RPS6KC1: variants seen among roughly 807,000 people sequenced by gnomAD.
RPS6KC1 encodes the protein inactive ribosomal protein S6 kinase delta-1.
Under a neutral mutation model 103.8 loss-of-function variants are expected in RPS6KC1, and 54 were observed. The ratio of observed to expected loss-of-function variants is 0.52; its 90% CI spans 0.42 to 0.65. The LOEUF (loss-of-function observed/expected upper bound fraction) is 0.65. Among genes scored for constraint, RPS6KC1 ranks in the 30% least tolerant of loss-of-function variants. RPS6KC1 has a pLI of 0.00. For missense variants in RPS6KC1, 1,151 were observed against 1,253.8 expected (o/e 0.92, Z 1.24); for synonymous variants, 439 against 438.7 (o/e 1.00, Z -0.01).
the RPS6KC1 span, among the ~76,000 whole-genome samples, chr1:213,625,942 T>C: frequency 1.3e-5 from 2 of 152,160 alleles, no homozygotes; most frequent in African/African-American, 2.4e-5. Context: ...TGGGTATATA[T>C]CCAGTAATGG....
At chr1:213,829,975 C>T in the RPS6KC1 span, among the ~76,000 whole-genome samples, 1 of 152,184 alleles carries the variant, frequency 6.6e-6, no homozygotes, top group South Asian at 2.1e-4. Flanking sequence ...ACCCCATCTG[C>T]CGAGACTTTG....
chr1:213,174,970 TAAA>T (rs949573375), intron 7 of RPS6KC1, among the ~76,000 whole-genome samples: 1 of 152,178 alleles, frequency 6.6e-6, no homozygotes, highest in African/African-American at 2.4e-5. Flanking sequence ...TCTTTAGAAA[TAAA>T]AAGTCTCTTT....
the RPS6KC1 span, among the ~76,000 whole-genome samples, chr1:213,796,662 C>T: frequency 6.6e-6 from 1 of 152,158 alleles, no homozygotes; most frequent in African/African-American, 2.4e-5. Context: ...AAATAATGTG[C>T]CATGTCTCAT....
chr1:213,250,283 A>G (rs752173757), intron 12 of RPS6KC1, among the ~76,000 whole-genome samples: 5 of 152,176 alleles, frequency 3.3e-5, no homozygotes, highest in Non-Finnish European at 5.9e-5. Flanking sequence ...CTCTCTCTGG[A>G]AAGTGCCAGT....
the RPS6KC1 span, among the ~76,000 whole-genome samples, chr1:213,378,481 C>T: frequency 2.0e-5 from 3 of 152,104 alleles, no homozygotes; most frequent in African/African-American, 7.2e-5. Flanking sequence ...GTGTTTTTCT[C>T]GTCTTGATAT....
At chr1:213,207,991 G>A (rs1338511758) in intron 8 of RPS6KC1, among the ~76,000 whole-genome samples, 2 of 152,044 alleles carry the variant, frequency 1.3e-5, no homozygotes, top group Non-Finnish European at 2.9e-5. Flanking sequence ...CTTTTCTTCT[G>A]CTAATCTGTC....
the RPS6KC1 span, among the ~76,000 whole-genome samples, chr1:213,772,895 C>T: frequency 5.3e-5 from 8 of 152,294 alleles, no homozygotes; most frequent in East Asian, 3.9e-4. Flanking sequence ...CTGCCGTCAG[C>T]GGCCAGTTCT....
At chr1:213,660,872 A>G in the RPS6KC1 span, among the ~76,000 whole-genome samples, 2 of 152,218 alleles carry the variant, frequency 1.3e-5, no homozygotes, top group African/African-American at 4.8e-5. Context: ...CCCATTGATT[A>G]TGATTGTGTC....
the RPS6KC1 span, among the ~76,000 whole-genome samples, chr1:213,640,941 C>T: frequency 6.6e-6 from 1 of 151,916 alleles, no homozygotes; most frequent in Non-Finnish European, 1.5e-5. Flanking sequence ...GAAGTTGCAA[C>T]TATGATTACT....
At chr1:213,768,871 T>C in the RPS6KC1 span, among the ~76,000 whole-genome samples, 6 of 152,324 alleles carry the variant, frequency 3.9e-5, no homozygotes, top group African/African-American at 1.4e-4. Flanking sequence ...ATTTAGCCAT[T>C]TCATATCTTT....
chr1:213,712,002 C>T, the RPS6KC1 span, among the ~76,000 whole-genome samples: 1 of 152,320 alleles, frequency 6.6e-6, no homozygotes, highest in South Asian at 2.1e-4. Context: ...CAGGGACCCA[C>T]TTAAGGAAGC....
At chr1:213,684,482 C>T in the RPS6KC1 span, among the ~76,000 whole-genome samples, 1 of 152,216 alleles carries the variant, frequency 6.6e-6, no homozygotes, top group Non-Finnish European at 1.5e-5. Flanking sequence ...TGCCTGTGCC[C>T]ATCTCAACCC....
chr1:213,215,010 G>A (rs930065568), intron 8 of RPS6KC1, among the ~76,000 whole-genome samples: 43 of 152,164 alleles, frequency 2.8e-4, no homozygotes, highest in African/African-American at 9.4e-4. Flanking sequence ...CACCAGCAAC[G>A]GAACAAAGCT....
At chr1:213,709,238 G>C in the RPS6KC1 span, among the ~76,000 whole-genome samples, 1 of 152,142 alleles carries the variant, frequency 6.6e-6, no homozygotes, top group South Asian at 2.1e-4. Flanking sequence ...ACTTGGTATT[G>C]ATCTATTCGG....
the RPS6KC1 span, among the ~76,000 whole-genome samples, chr1:213,572,619 G>A: frequency 1.3e-5 from 2 of 152,054 alleles, no homozygotes; most frequent in Non-Finnish European, 2.9e-5. Flanking sequence ...AACAAATTTA[G>A]TTTTTTTAAA....
Position 213,272,794 on chromosome 1 carries a change from G to A in RPS6KC1, c.*160G>A, listed in dbSNP as rs941716143. 19 of 564,342 alleles carry A rather than the reference G, an allele frequency of 3.4e-5. No individual in the cohort carries two copies. The highest frequency in any genetic ancestry group is 5.8e-5 in the Non-Finnish European group (18 of 311,650). The allele number at this position is 564,342 out of a possible 1,614,324, so 35.0% of individuals were successfully genotyped here. A position where few individuals can be genotyped will look rare whatever the true frequency, so the allele number is the denominator to read the frequency against. On this transcript the variant is annotated 3_prime_UTR_variant, in exon 15 of 15. Transcript: ENST00000366960. ...GGAAATGGCTAAAAGAGAACAATTC[G>A]TTTACAATTACAAGATATTAGCTAA... is the stretch of plus-strand genomic sequence containing the variant.
chr1:213,123,840 T>A (rs537328737), intron 5 of RPS6KC1, among the ~76,000 whole-genome samples: 84 of 152,296 alleles, frequency 5.5e-4, no homozygotes, highest in Middle Eastern at 3.4e-3. Context: ...AGGCCATGTA[T>A]TTTATATATA....
chr1:213,264,122 C>G (rs1252517345), intron 14 of RPS6KC1, among the ~76,000 whole-genome samples: 1 of 151,882 alleles, frequency 6.6e-6, no homozygotes, highest in Non-Finnish European at 1.5e-5. Flanking sequence ...ATCACAAACA[C>G]AAGAGTAATG....
Position 213,272,532 on chromosome 1 carries a change from G to A in RPS6KC1, c.3099G>A (p.Gln1033=). The A allele has an allele frequency of 6.2e-7, 1 of 1,613,680 alleles. No homozygotes were observed. Among genetic ancestry groups the A allele is most frequent in the Non-Finnish European group, 8.5e-7 (1 of 1,179,610 alleles). ...AGTCCGTCTTTTTTTAGCTCTTGCA[G>A]TTCAATCCTCTGGAACGACTTGGTG... is the stretch of plus-strand genomic sequence containing the variant. ...EARSLIQQLL[Q]FNPLERLGAG... Residue 1033 remains glutamine, a synonymous_variant, in exon 15 of 15, where the codon CAG becomes CAA. Transcript: ENST00000366960.
Sources: allele counts gnomAD v4.1 joint callset (sites outside exome capture counted in the v4.1 genomes callset), GRCh38; gene constraint gnomAD v4.1.1; transcripts MANE v1.5; gene names NCBI Gene and HGNC (gene_info 2026-07-23, HGNC 2026-07-21).